The following CNTN5 variants were observed in gnomAD, a reference collection of about 807,000 sequenced individuals.
CNTN5 encodes the protein contactin-5.
In CNTN5, 77 loss-of-function variants were observed where a neutral mutation model predicts 129.1. The observed-to-expected ratio is 0.60, with a 90% CI of 0.50 to 0.72. The LOEUF is 0.72. CNTN5 is among the 30% of genes least tolerant of loss of function. The pLI, the probability that CNTN5 is intolerant of heterozygous loss-of-function variation, is 0.00. For synonymous variants in CNTN5, 509 were observed against 465.6 expected, an observed-to-expected ratio of 1.09 and a Z score of -1.20; for missense variants, 1,478 against 1,328.8, an observed-to-expected ratio of 1.11 and a Z score of -1.75.
At chr11:99,873,904 C>A (rs1591347152) in intron 6 of CNTN5, among the ~76,000 whole-genome samples, 1 of 152,146 alleles carries the variant, frequency 6.6e-6, no homozygotes, top group East Asian at 1.9e-4. Context: ...ATATCATATC[C>A]TTTGCAGCAA....
At chr11:99,958,592 C>T (rs1254161164) in intron 8 of CNTN5, among the ~76,000 whole-genome samples, 1 of 152,104 alleles carries the variant, frequency 6.6e-6, no homozygotes, top group African/African-American at 2.4e-5. Context: ...TGTATTACAT[C>T]ACCATAGAAT....
chr11:99,880,354 T>C (rs1184483231), intron 6 of CNTN5, among the ~76,000 whole-genome samples: 1 of 152,164 alleles, frequency 6.6e-6, no homozygotes, highest in Non-Finnish European at 1.5e-5. Context: ...ATAGTACTCA[T>C]AGAATAAGAA....
chr11:100,259,122 CA>C (rs200719440), intron 17 of CNTN5, among the ~76,000 whole-genome samples: 1 of 150,530 alleles, frequency 6.6e-6, no homozygotes, highest in South Asian at 2.1e-4. Flanking sequence ...AAATGAAGAG[CA>C]AAAAAAAGCA....
chr11:99,851,050 C>G (rs1195973056), intron 6 of CNTN5, among the ~76,000 whole-genome samples: 1 of 160 alleles, frequency 6.3e-3, no homozygotes, highest in Middle Eastern at 0.25. Flanking sequence ...GGACAACTAA[C>G]AGATTTAGCA....
intron 1 of CNTN5, among the ~76,000 whole-genome samples, chr11:99,263,359 T>C (rs1456514714): frequency 6.6e-6 from 1 of 152,120 alleles, no homozygotes; most frequent in African/African-American, 2.4e-5. Context: ...TTTATCGTCT[T>C]CAAATCTTAT....
intron 1 of CNTN5, among the ~76,000 whole-genome samples, chr11:99,101,273 CAAGAT>C (rs1467404574): frequency 6.9e-6 from 1 of 145,068 alleles, no homozygotes; most frequent in Non-Finnish European, 1.5e-5. Context: ...AACCACAGTT[CAAGAT>C]GAGATTTGGG....
chr11:100,352,909 T>A (rs1952448268), intron 24 of CNTN5, among the ~76,000 whole-genome samples: 2 of 151,636 alleles, frequency 1.3e-5, no homozygotes, highest in Admixed American at 6.6e-5. Context: ...TAGACAACAA[T>A]ACAGTGAGCA....
intron 13 of CNTN5, among the ~76,000 whole-genome samples, chr11:100,154,301 T>G (rs1254414718): frequency 4.6e-5 from 7 of 151,670 alleles, no homozygotes; most frequent in Non-Finnish European, 1.0e-4. Flanking sequence ...TATGGCTGCA[T>G]AGTATTCCAT....
chr11:100,198,245 A>G (rs764248092), intron 15 of CNTN5, among the ~76,000 whole-genome samples: 5 of 152,124 alleles, frequency 3.3e-5, no homozygotes, highest in Non-Finnish European at 5.9e-5. Context: ...AAATATGACC[A>G]TAAAAACAAT....
intron 2 of CNTN5, among the ~76,000 whole-genome samples, chr11:99,480,088 G>A (rs1325024765): frequency 6.6e-6 from 1 of 152,114 alleles, no homozygotes; most frequent in African/African-American, 2.4e-5. Flanking sequence ...AATCAGATTT[G>A]TGATATCTTT....
intron 2 of CNTN5, among the ~76,000 whole-genome samples, chr11:99,455,844 G>T (rs143129124): frequency 1.3e-5 from 2 of 152,096 alleles, no homozygotes; most frequent in African/African-American, 4.8e-5. Flanking sequence ...TCATTTAGGC[G>T]TAATATTGCT....
At chr11:99,983,196 T>C (rs965137138) in intron 8 of CNTN5, among the ~76,000 whole-genome samples, 4 of 152,222 alleles carry the variant, frequency 2.6e-5, no homozygotes, top group Non-Finnish European at 5.9e-5. Context: ...TGAATATAAT[T>C]ATTCTAAAGA....
At chr11:99,358,719 C>T (rs1252151308) in intron 2 of CNTN5, among the ~76,000 whole-genome samples, 2 of 152,034 alleles carry the variant, frequency 1.3e-5, no homozygotes, top group Non-Finnish European at 2.9e-5. Flanking sequence ...ACAGGACATA[C>T]ATTTATTTTT....
intron 2 of CNTN5, among the ~76,000 whole-genome samples, chr11:99,502,808 T>C (rs116933342): frequency 0.011 from 1,603 of 152,298 alleles, 9 homozygotes; most frequent in Non-Finnish European, 0.016. Context: ...GTCTCACTTT[T>C]CATCTTTACC....
At chr11:99,185,664 G>C (rs552624291) in intron 1 of CNTN5, among the ~76,000 whole-genome samples, 8 of 151,712 alleles carry the variant, frequency 5.3e-5, no homozygotes, top group Non-Finnish European at 1.0e-4. Flanking sequence ...GAACTAAAAA[G>C]TTTCAATAAC....
intron 1 of CNTN5, among the ~76,000 whole-genome samples, chr11:99,124,163 A>T (rs545119747): frequency 6.6e-6 from 1 of 152,104 alleles, no homozygotes; most frequent in Non-Finnish European, 1.5e-5. Flanking sequence ...GTCTATGAGC[A>T]TGGAATGTTT....
intron 7 of CNTN5, among the ~76,000 whole-genome samples, chr11:99,916,864 A>G (rs1333750350): frequency 6.6e-6 from 1 of 152,106 alleles, no homozygotes. Flanking sequence ...GAGAGAGAGA[A>G]AGAGAAAGAG....
intron 2 of CNTN5, among the ~76,000 whole-genome samples, chr11:99,506,183 C>G (rs1553515): frequency 6.6e-6 from 1 of 152,138 alleles, no homozygotes; most frequent in Non-Finnish European, 1.5e-5. Flanking sequence ...TCCTCATGCT[C>G]ATCATTTCTT....
At position 99,577,064 on chromosome 11, in the gene CNTN5, G is replaced by A. The variant is rs12289017; in HGVS notation, c.55+20795G>A. Among the ~76,000 whole-genome samples the A allele has an allele frequency of 1.6e-3, 250 of 152,064 alleles. 2 individuals carry two copies. The highest frequency in any genetic ancestry group is 5.3e-3 in the African/African-American group (219 of 41,450). ...AATTTCTTTTATTAATCAAAGTTTC[G>A]GTAGAGGTCTTTATTGGACTTTTTG... On this transcript the variant is annotated intron_variant, in intron 3 of 24. Transcript: ENST00000524871.
Sources: allele counts gnomAD v4.1 joint callset (sites outside exome capture counted in the v4.1 genomes callset), GRCh38; gene constraint gnomAD v4.1.1; transcripts MANE v1.5; gene names NCBI Gene and HGNC (gene_info 2026-07-23, HGNC 2026-07-21).